CCSER1: variants seen among roughly 807,000 people sequenced by gnomAD.
The protein encoded by CCSER1 is coiled-coil serine rich protein 1, also known as serine-rich coiled-coil domain-containing protein 1.
Under a neutral mutation model 82.0 loss-of-function variants are expected in CCSER1, and 41 were observed. The observed-to-expected ratio is 0.50, with a 90% CI of 0.39 to 0.65. The LOEUF (loss-of-function observed/expected upper bound fraction) is 0.65. CCSER1 is among the 30% of genes least tolerant of loss of function. The probability of loss-of-function intolerance (pLI) is 0.00; values close to 1 mark genes in which losing one functional copy is unlikely to be tolerated. For missense variants in CCSER1, 1,119 were observed against 1,064.2 expected (o/e 1.05, Z -0.72); for synonymous variants, 414 against 383.9 (o/e 1.08, Z -0.92).
intron 8 of CCSER1, among the ~76,000 whole-genome samples, chr4:90,900,735 T>C (rs1347647671): frequency 2.0e-5 from 3 of 152,142 alleles, no homozygotes; most frequent in East Asian, 1.9e-4. Flanking sequence ...TTTTAGAGAA[T>C]GTTCCATGAG....
chr4:90,164,407 ATAG>A (rs1730068959), intron 1 of CCSER1, among the ~76,000 whole-genome samples: 1 of 152,050 alleles, frequency 6.6e-6, no homozygotes, highest in Non-Finnish European at 1.5e-5. Context: ...AGTTTAAGGA[ATAG>A]TAATTTTTTC....
At chr4:90,474,633 G>T (rs772430211) in intron 5 of CCSER1, among the ~76,000 whole-genome samples, 19 of 152,158 alleles carry the variant, frequency 1.2e-4, no homozygotes, top group Non-Finnish European at 5.9e-5. Flanking sequence ...TATAAATGAG[G>T]ACTTTCCTCC....
At chr4:90,378,593 C>T (rs533962337) in intron 3 of CCSER1, among the ~76,000 whole-genome samples, 3 of 152,096 alleles carry the variant, frequency 2.0e-5, no homozygotes, top group Non-Finnish European at 4.4e-5. Context: ...TCTGACTGAA[C>T]CAGCATTGAG....
chr4:90,230,666 A>T (rs1364837269), intron 1 of CCSER1, among the ~76,000 whole-genome samples: 3 of 149,682 alleles, frequency 2.0e-5, no homozygotes, highest in African/African-American at 7.3e-5. Flanking sequence ...CCCTTCAAAA[A>T]ATTAATGAAT....
intron 9 of CCSER1, among the ~76,000 whole-genome samples, chr4:90,949,608 A>C (rs1732666834): frequency 6.6e-6 from 1 of 152,122 alleles, no homozygotes; most frequent in African/African-American, 2.4e-5. Flanking sequence ...ATGCAAGTAA[A>C]ATAAGTGCCA....
chr4:91,208,229 T>G (rs2149079748), intron 10 of CCSER1, among the ~76,000 whole-genome samples: 1 of 152,092 alleles, frequency 6.6e-6, no homozygotes, highest in Admixed American at 6.6e-5. Flanking sequence ...AGAAGCGCTT[T>G]AATTAGGCCC....
At chr4:90,760,169 G>A (rs1750198729) in intron 7 of CCSER1, among the ~76,000 whole-genome samples, 1 of 151,920 alleles carries the variant, frequency 6.6e-6, no homozygotes, top group African/African-American at 2.4e-5. Context: ...AAAGTAATAT[G>A]TGCCATTTCG....
intron 5 of CCSER1, among the ~76,000 whole-genome samples, chr4:90,519,898 C>A (rs966091949): frequency 3.3e-5 from 5 of 151,968 alleles, no homozygotes; most frequent in Non-Finnish European, 7.4e-5. Flanking sequence ...TTACACTATT[C>A]AAAAACACGG....
At chr4:90,321,445 T>C (rs894775506) in intron 3 of CCSER1, among the ~76,000 whole-genome samples, 1 of 152,236 alleles carries the variant, frequency 6.6e-6, no homozygotes, top group Non-Finnish European at 1.5e-5. Context: ...GTACCACATT[T>C]TCTTTATCCT....
At chr4:90,899,712 G>T (rs183100075) in intron 8 of CCSER1, among the ~76,000 whole-genome samples, 60 of 152,028 alleles carry the variant, frequency 3.9e-4, no homozygotes, top group African/African-American at 1.3e-3. Flanking sequence ...GATAATGATA[G>T]GGTTTTTTAA....
intron 6 of CCSER1, among the ~76,000 whole-genome samples, chr4:90,691,474 G>A (rs1223243598): frequency 1.1e-5 from 1 of 93,878 alleles, no homozygotes; most frequent in African/African-American, 3.4e-5. Context: ...ATACACACAT[G>A]TATTATATAT....
intron 1 of CCSER1, among the ~76,000 whole-genome samples, chr4:90,243,506 C>A (rs1720787354): frequency 6.6e-6 from 1 of 152,012 alleles, no homozygotes; most frequent in African/African-American, 2.4e-5. Context: ...CTCAGCCTCC[C>A]AGAGTGTTGG....
intron 10 of CCSER1, among the ~76,000 whole-genome samples, chr4:91,542,742 T>G (rs1181657017): frequency 6.6e-6 from 1 of 152,204 alleles, no homozygotes; most frequent in Non-Finnish European, 1.5e-5. Context: ...AATTTTGGAA[T>G]AAGTGTGATG....
intron 1 of CCSER1, among the ~76,000 whole-genome samples, chr4:90,151,496 T>C (rs1726833722): frequency 6.6e-6 from 1 of 152,060 alleles, no homozygotes; most frequent in Admixed American, 6.6e-5. Flanking sequence ...CAAATGTGGA[T>C]ATTCAAGCTA....
chr4:91,150,589 G>A (rs2148951601), intron 10 of CCSER1, among the ~76,000 whole-genome samples: 1 of 152,198 alleles, frequency 6.6e-6, no homozygotes, highest in Admixed American at 6.5e-5. Context: ...TCCAGTTTTT[G>A]CCCATTCAGT....
intron 1 of CCSER1, among the ~76,000 whole-genome samples, chr4:90,192,797 T>TA (rs1370710311): frequency 6.6e-6 from 1 of 152,072 alleles, no homozygotes; most frequent in African/African-American, 2.4e-5. Context: ...GTGTTGTGTT[T>TA]AGAGGATCAG....
At chr4:90,218,111 A>G (rs1449151476) in intron 1 of CCSER1, among the ~76,000 whole-genome samples, 1 of 152,066 alleles carries the variant, frequency 6.6e-6, no homozygotes, top group Non-Finnish European at 1.5e-5. Context: ...CTTAATGTCT[A>G]GTTTCTTAAG....
In CCSER1 at chr4:91,565,303, C is replaced by A. The variant is rs563453333; in HGVS notation, c.2218-33269C>A. ...TACCATGCTGTTTTGTTTACTGTAT[C>A]CTTGTAGTGTAGTTTGAAGTCAGGT... On this transcript the variant is annotated intron_variant, in intron 10 of 10. Coordinates refer to ENST00000509176, the MANE Select transcript of CCSER1 (RefSeq NM_001145065.2). Among the ~76,000 whole-genome samples, 12 of 152,024 alleles carry A rather than the reference C, an allele frequency of 7.9e-5. No individual in the cohort carries two copies. The South Asian group carries it at 2.5e-3, about 32-fold the overall frequency.
intron 9 of CCSER1, among the ~76,000 whole-genome samples, chr4:91,057,632 A>G (rs1316329225): frequency 6.6e-6 from 1 of 152,142 alleles, no homozygotes; most frequent in Non-Finnish European, 1.5e-5. Context: ...TTGTGTAGAC[A>G]ATTGTTGAGT....
Sources: gnomAD v4.1 joint callset for allele counts (sites outside exome capture counted in the v4.1 genomes callset) on GRCh38, gnomAD v4.1.1 for gene constraint, MANE v1.5 for transcripts, NCBI Gene and HGNC (gene_info 2026-07-23, HGNC 2026-07-21) for gene names.